The following PRR16 variants were observed in gnomAD, a reference collection of about 807,000 sequenced individuals.
PRR16 encodes the protein proline rich 16.
PRR16 carries 6 observed loss-of-function variants against 18.2 expected under a neutral mutation model. That is an observed-to-expected ratio of 0.33 (90% CI 0.18 to 0.65). The LOEUF (loss-of-function observed/expected upper bound fraction) is 0.65, where lower values mean the gene tolerates loss of function less well. PRR16 is among the 30% of genes least tolerant of loss of function. The pLI, the probability that PRR16 is intolerant of heterozygous loss-of-function variation, is 0.74. For missense variants in PRR16, 412 were observed against 376.6 expected (o/e 1.09, Z -0.78); for synonymous variants, 151 against 147.8 (o/e 1.02, Z -0.16).
the PRR16 span, among the ~76,000 whole-genome samples, chr5:120,779,321 A>G: frequency 6.6e-6 from 1 of 152,192 alleles, no homozygotes; most frequent in African/African-American, 2.4e-5. Context: ...GGCTTTAGAG[A>G]AAACAGTTCA....
chr5:120,547,276 C>G (rs1032571025), intron 1 of PRR16, among the ~76,000 whole-genome samples: 4 of 152,054 alleles, frequency 2.6e-5, no homozygotes, highest in African/African-American at 9.7e-5. Context: ...CTAAAGAGCC[C>G]AAACCATTAT....
chr5:120,773,187 ATCAGT>A, the PRR16 span, among the ~76,000 whole-genome samples: 2 of 152,096 alleles, frequency 1.3e-5, no homozygotes, highest in African/African-American at 4.8e-5. Flanking sequence ...TTTTATTAGT[ATCAGT>A]TAAGATTAGG....
At chr5:120,667,301 T>A (rs1383764534) in intron 1 of PRR16, among the ~76,000 whole-genome samples, 2 of 150,734 alleles carry the variant, frequency 1.3e-5, no homozygotes, top group African/African-American at 4.9e-5. Flanking sequence ...AGTGGTGATA[T>A]CCCCTTTATC....
At chr5:120,722,473 G>A in the PRR16 span, among the ~76,000 whole-genome samples, 2 of 152,024 alleles carry the variant, frequency 1.3e-5, no homozygotes, top group African/African-American at 2.4e-5. Context: ...TGTATAGTAA[G>A]GTCCAGGTTT....
chr5:120,692,433 C>T, the PRR16 span, among the ~76,000 whole-genome samples: 6 of 152,294 alleles, frequency 3.9e-5, no homozygotes, highest in East Asian at 5.8e-4. Flanking sequence ...ATCATCACAA[C>T]ATAGAAAGGG....
chr5:120,616,675 G>C (rs770865233), intron 1 of PRR16, among the ~76,000 whole-genome samples: 48 of 152,106 alleles, frequency 3.2e-4, no homozygotes, highest in Non-Finnish European at 6.3e-4. Flanking sequence ...ACTGTCCTTA[G>C]AGCTGGTCCT....
At chr5:120,547,476 C>T (rs1271536239) in intron 1 of PRR16, among the ~76,000 whole-genome samples, 2 of 152,074 alleles carry the variant, frequency 1.3e-5, no homozygotes, top group African/African-American at 2.4e-5. Context: ...TTGGCTGAGT[C>T]TCTCTAAACT....
rs746985594 is a variant in PRR16 at position 120,686,460 on chromosome 5, C to A, written c.666C>A (p.Thr222=). The change falls in exon 2 of 2, where the codon ACC becomes ACA. Residue 222 remains threonine, a synonymous_variant. Transcript: ENST00000407149. ...QYHGYCPDCD[T]RYNIKNREVH... is the part of the protein sequence containing the mutation. ...ATGGCTATTGTCCTGACTGTGATACCCGGTATAACATAAAAAACAGGGAGG... is the reference window on the plus strand; with the variant it reads ...ATGGCTATTGTCCTGACTGTGATACACGGTATAACATAAAAAACAGGGAGG... 1.2e-6 allele frequency: 2 copies of A among 1,614,026 alleles called. No individual in the cohort carries two copies. Among genetic ancestry groups the A allele is most frequent in the East Asian group, 4.5e-5 (2 of 44,876 alleles).
the PRR16 span, among the ~76,000 whole-genome samples, chr5:120,721,487 G>A: frequency 1.3e-5 from 2 of 151,992 alleles, no homozygotes; most frequent in Non-Finnish European, 2.9e-5. Context: ...CAGCAGATGA[G>A]AGACTAAGCG....
chr5:120,779,008 TTC>T, the PRR16 span, among the ~76,000 whole-genome samples: 1 of 152,208 alleles, frequency 6.6e-6, no homozygotes, highest in Non-Finnish European at 1.5e-5. Flanking sequence ...TTTGATTCTA[TTC>T]TGATTGAAGG....
intron 1 of PRR16, among the ~76,000 whole-genome samples, chr5:120,630,101 T>G (rs1755004314): frequency 6.6e-6 from 1 of 152,242 alleles, no homozygotes; most frequent in Admixed American, 6.5e-5. Context: ...CTTTAAATAC[T>G]AATTTATTTT....
chr5:120,723,379 G>C, the PRR16 span, among the ~76,000 whole-genome samples: 1 of 151,824 alleles, frequency 6.6e-6, no homozygotes, highest in Non-Finnish European at 1.5e-5. Context: ...CATCTTATCA[G>C]TAATTTCAGC....
At chr5:120,599,514 A>T (rs962418108) in intron 1 of PRR16, among the ~76,000 whole-genome samples, 6 of 151,910 alleles carry the variant, frequency 3.9e-5, no homozygotes, top group African/African-American at 1.4e-4. Flanking sequence ...CTCCTCTGAG[A>T]CAGTTTGTAT....
intron 1 of PRR16, among the ~76,000 whole-genome samples, chr5:120,475,658 G>A (rs535187288): frequency 1.3e-5 from 2 of 152,140 alleles, no homozygotes; most frequent in African/African-American, 4.8e-5. Flanking sequence ...GATCGCTTGA[G>A]CCCAGGAGTT....
chr5:120,684,820 A>G (rs1005700737), intron 1 of PRR16, among the ~76,000 whole-genome samples: 6 of 152,178 alleles, frequency 3.9e-5, no homozygotes, highest in African/African-American at 1.4e-4. Context: ...GCATTGTCTA[A>G]GATACTTCCA....
At chr5:120,593,877 C>T (rs1404166148) in intron 1 of PRR16, among the ~76,000 whole-genome samples, 1 of 151,992 alleles carries the variant, frequency 6.6e-6, no homozygotes, top group Non-Finnish European at 1.5e-5. Flanking sequence ...TGATTCATCA[C>T]ATAAAGAAAA....
At chr5:120,483,960 A>T (rs1221737136) in intron 1 of PRR16, among the ~76,000 whole-genome samples, 2 of 151,964 alleles carry the variant, frequency 1.3e-5, no homozygotes, top group Non-Finnish European at 2.9e-5. Flanking sequence ...AACAATCTTA[A>T]TTTTCAGCCT....
the PRR16 span, among the ~76,000 whole-genome samples, chr5:120,714,965 A>G: frequency 7.9e-5 from 12 of 152,244 alleles, no homozygotes; most frequent in Admixed American, 7.2e-4. Flanking sequence ...AGGGAGGAGA[A>G]CAACACACAC....
chr5:120,735,546 A>G, the PRR16 span, among the ~76,000 whole-genome samples: 1,024 of 151,964 alleles, frequency 6.7e-3, 10 homozygotes, highest in African/African-American at 0.022. Flanking sequence ...TGTGGTTTTG[A>G]TTTCCTTTTC....
Sources: allele counts gnomAD v4.1 joint callset (sites outside exome capture counted in the v4.1 genomes callset), GRCh38; gene constraint gnomAD v4.1.1; transcripts MANE v1.5; gene names NCBI Gene and HGNC (gene_info 2026-07-23, HGNC 2026-07-21).